The following CSE1L variants were observed in gnomAD, a reference collection of about 807,000 sequenced individuals.
CSE1L encodes exportin-2.
In CSE1L, 24 loss-of-function variants were observed where a neutral mutation model predicts 120.4. That is an observed-to-expected ratio of 0.20 (90% CI 0.14 to 0.28). The LOEUF is 0.28. Among genes scored for constraint, CSE1L ranks in the 10% least tolerant of loss-of-function variants. CSE1L has a pLI of 1.00. For missense variants in CSE1L, 830 were observed against 1,145.2 expected, an observed-to-expected ratio of 0.72 and a Z score of 3.97; for synonymous variants, 402 against 398.3, an observed-to-expected ratio of 1.01 and a Z score of -0.11.
intron 21 of CSE1L, among the ~76,000 whole-genome samples, chr20:49,091,721 A>G (rs1323703297): frequency 1.3e-5 from 2 of 152,228 alleles, no homozygotes; most frequent in African/African-American, 4.8e-5. Flanking sequence ...ACCTTCTCAC[A>G]AGAAAAAAGA....
At position 49,085,309 on chromosome 20, in the gene CSE1L, T is replaced by G. The variant is rs574309464; in HGVS notation, c.1646T>G (p.Phe549Cys). The G allele has an allele frequency of 6.2e-7, 1 of 1,613,982 alleles. No homozygotes were observed. Among genetic ancestry groups the G allele is most frequent in the East Asian group, 2.2e-5 (1 of 44,874 alleles). The change falls in exon 16 of 25, where the codon TTT (phenylalanine) becomes TGT (cysteine). Residue 549 changes from phenylalanine (F) to cysteine (C), a missense_variant. This residue lies in a region of CSE1L where 168 missense variants were observed against 267.9 expected (regional missense o/e 0.63). Coordinates refer to ENST00000262982, the MANE Select transcript of CSE1L (RefSeq NM_001316.4). ...TLFTAAEIAP[F>C]VEILLTNLFK... ...TTTACAGCTGCAGAAATCGCACCGTTTGTTGAGATTCTGCTAACAAACCTT... is the reference window on the plus strand; with the variant it reads ...TTTACAGCTGCAGAAATCGCACCGTGTGTTGAGATTCTGCTAACAAACCTT...
At position 49,096,670 on chromosome 20, in the gene CSE1L, A is replaced by C. The variant is rs1351387198; in HGVS notation, c.*232A>C. 5 of 568,648 alleles carry C rather than the reference A, an allele frequency of 8.8e-6. No homozygotes were observed. In the African/African-American group the frequency reaches 9.4e-5, roughly 11 times the overall value. The allele number at this position is 568,648 out of a possible 1,614,324, so 35.2% of individuals were successfully genotyped here. On this transcript the variant is annotated 3_prime_UTR_variant, in exon 25 of 25. Coordinates refer to ENST00000262982, the MANE Select transcript of CSE1L (RefSeq NM_001316.4). ...TTGCAACTTCAAGGGACAAGTATTA[A>C]TAGTTCAGTGTATGGCGTTGGTTTG...
rs1313038140 is a variant in CSE1L, at chr20:49,075,633, C to T, written c.1335+113C>T. ...AGCTTACTCTGCCAGATAACCTATTCTGATTAAGATTTATATAATCTCTGA... is the reference window on the plus strand; with the variant it reads ...AGCTTACTCTGCCAGATAACCTATTTTGATTAAGATTTATATAATCTCTGA... On this transcript the variant is annotated intron_variant, in intron 12 of 24. Transcript: ENST00000262982. 92 of 823,920 alleles carry T rather than the reference C, an allele frequency of 1.1e-4. No homozygotes were observed. The East Asian group carries it at 2.4e-3, about 22-fold the overall frequency. 51.0% of individuals were successfully genotyped at this position (823,920 alleles called of 1,614,324 possible). A position where few individuals can be genotyped will look rare whatever the true frequency, so the allele number is the denominator to read the frequency against.
At chr20:49,073,133 T>G (rs1473442312) in intron 10 of CSE1L, among the ~76,000 whole-genome samples, 1 of 152,082 alleles carries the variant, frequency 6.6e-6, no homozygotes, top group Non-Finnish European at 1.5e-5. Context: ...TACCTCAGTC[T>G]TCTGAGTAGC....
At chr20:49,082,667 C>T (rs768656466) in intron 14 of CSE1L, among the ~76,000 whole-genome samples, 1 of 151,840 alleles carries the variant, frequency 6.6e-6, no homozygotes, top group South Asian at 2.1e-4. Context: ...TACAGGCTAC[C>T]GCCACCATGC....
chr20:49,074,685 C>T, intron 10 of CSE1L, 100 bp from the exon 11 acceptor site: 2 of 854,828 alleles, frequency 2.3e-6, no homozygotes, highest in Non-Finnish European at 3.6e-6. Context: ...GAATTCTTTG[C>T]TGTAGAACAA....
At chr20:49,085,168 G>A in intron 15 of CSE1L, 115 bp from the exon 16 acceptor site, 2 of 734,220 alleles carry the variant, frequency 2.7e-6, no homozygotes, top group South Asian at 3.1e-5. Flanking sequence ...AATTGTCAGT[G>A]GTGGGAGATG....
intron 12 of CSE1L, 61 bp downstream of exon 12, chr20:49,075,581 A>T (rs984891480): frequency 6.1e-6 from 8 of 1,302,700 alleles, no homozygotes; most frequent in Non-Finnish European, 7.7e-6. Context: ...CACACAAGTC[A>T]AAAAGAAATA....
At chr20:49,065,121 A>G (rs143136371) in intron 3 of CSE1L, among the ~76,000 whole-genome samples, 3 of 148,510 alleles carry the variant, frequency 2.0e-5, no homozygotes, top group African/African-American at 7.5e-5. Flanking sequence ...GTTTTGTGCT[A>G]CCCTCCAGCC....
At chr20:49,093,648 G>A (rs2092118300) in intron 22 of CSE1L, among the ~76,000 whole-genome samples, 1 of 149,652 alleles carries the variant, frequency 6.7e-6, no homozygotes, top group Admixed American at 6.7e-5. Flanking sequence ...CAGGAATGGT[G>A]GCTCACGCCT....
chr20:49,083,051 G>GTC (rs1293805925), intron 14 of CSE1L, among the ~76,000 whole-genome samples: 1 of 149,264 alleles, frequency 6.7e-6, no homozygotes, highest in Non-Finnish European at 1.5e-5. Context: ...CTGAGATGGA[G>GTC]TCTTGCTCTG....
chr20:49,060,096 CT>C lies in CSE1L; in HGVS notation c.85+1550del, dbSNP rs567913444. On this transcript the variant is annotated intron_variant, in intron 2 of 24. Transcript: ENST00000262982. The stretch of plus-strand genomic sequence containing the variant: ...GCAACTGGGGAGGCTGAGACAAAAG[CT>C]TCACTTATACCCAAGAGGTCGGAGC... 1.8e-3 allele frequency among the ~76,000 whole-genome samples: 277 copies of C among 150,132 alleles called. 1 individual carries two copies. The highest frequency in any genetic ancestry group is 0.014 in the South Asian group (67 of 4,692).
intron 12 of CSE1L, among the ~76,000 whole-genome samples, chr20:49,076,250 C>T (rs747247683): frequency 1.6e-4 from 24 of 152,102 alleles, no homozygotes; most frequent in Non-Finnish European, 3.2e-4. Flanking sequence ...TGCAATGGCA[C>T]GATCTTGGCT....
Position 49,094,729 on chromosome 20 carries a change from C to G in CSE1L, c.2595-3C>G, listed in dbSNP as rs1568790589. The G allele has an allele frequency of 6.3e-7, 1 of 1,596,874 alleles. No individual in the cohort carries two copies. The highest frequency in any genetic ancestry group is 2.2e-5 in the East Asian group (1 of 44,788). Reference sequence around the variant, plus strand: ...TTTTATCTCTTGCTTTCTTCCAATCCAGGACTCCATTATTACAGTCTTTGA... The same window carrying G: ...TTTTATCTCTTGCTTTCTTCCAATCGAGGACTCCATTATTACAGTCTTTGA... On this transcript the variant is annotated splice_region_variant and splice_polypyrimidine_tract_variant and intron_variant, in intron 23 of 24. Transcript: ENST00000262982.
chr20:49,073,052 C>A (rs1274905265), intron 10 of CSE1L, among the ~76,000 whole-genome samples: 3 of 152,186 alleles, frequency 2.0e-5, no homozygotes, highest in Non-Finnish European at 4.4e-5. Flanking sequence ...CGCTCTGTCA[C>A]CCAGGCTGGA....
chr20:49,090,124 CTT>C (rs963786352), intron 19 of CSE1L, among the ~76,000 whole-genome samples: 1 of 150,528 alleles, frequency 6.6e-6, no homozygotes, highest in African/African-American at 2.5e-5. Flanking sequence ...GACCCTGTCT[CTT>C]AAAAAAAATA....
intron 3 of CSE1L, among the ~76,000 whole-genome samples, chr20:49,065,658 A>G (rs1398093853): frequency 7.7e-6 from 1 of 129,172 alleles, no homozygotes; most frequent in Non-Finnish European, 1.5e-5. Context: ...CAGCGGCACC[A>G]TCTCGGCTCC....
At chr20:49,088,820 T>A (rs2092079469) in intron 17 of CSE1L, among the ~76,000 whole-genome samples, 1 of 152,164 alleles carries the variant, frequency 6.6e-6, no homozygotes, top group Non-Finnish European at 1.5e-5. Flanking sequence ...TAGATTTGTA[T>A]GCTAGTAGCC....
chr20:49,064,285 T>C (rs2091874200), intron 3 of CSE1L, among the ~76,000 whole-genome samples: 1 of 152,218 alleles, frequency 6.6e-6, no homozygotes, highest in Admixed American at 6.5e-5. Context: ...AAATCATCAG[T>C]TTATCTAAAA....
Sources: gnomAD v4.1 joint callset for allele counts (sites outside exome capture counted in the v4.1 genomes callset) on GRCh38, gnomAD v4.1.1 for gene constraint, gnomAD v4.1.1 regional missense constraint, MANE v1.5 for transcripts, NCBI Gene and HGNC (gene_info 2026-07-23, HGNC 2026-07-21) for gene names.